Variants in RBFOX1 observed in about 807,000 individuals in gnomAD.
RBFOX1 encodes the protein RNA binding fox-1 homolog 1, also known as RNA binding protein fox-1 homolog 1.
In RBFOX1, 8 loss-of-function variants were observed where a neutral mutation model predicts 57.7. That is an observed-to-expected ratio of 0.14 (90% confidence interval 0.08 to 0.25). The LOEUF (loss-of-function observed/expected upper bound fraction) is 0.25. Ranked by LOEUF, RBFOX1 falls within the 10% of genes least tolerant of loss-of-function variation. The probability of loss-of-function intolerance (pLI) is 1.00; values close to 1 mark genes in which losing one functional copy is unlikely to be tolerated. For missense variants in RBFOX1, 611 were observed against 548.5 expected (o/e 1.11, Z -1.14); for synonymous variants, 326 against 222.4 (o/e 1.47, Z -4.15).
At chr16:6,962,036 A>G (rs1035877725) in intron 3 of RBFOX1, among the ~76,000 whole-genome samples, 1 of 152,122 alleles carries the variant, frequency 6.6e-6, no homozygotes, top group Non-Finnish European at 1.5e-5. Context: ...CCTATTCAAG[A>G]TGGAGTTGCT....
intron 1 of RBFOX1, among the ~76,000 whole-genome samples, chr16:6,227,456 C>G (rs560506382): frequency 1.1e-4 from 16 of 152,270 alleles, no homozygotes; most frequent in African/African-American, 3.8e-4. Context: ...ACAACAGTAG[C>G]AAACCTTGAT....
Position 6,238,090 on chromosome 16 carries a change from C to CAA in RBFOX1, c.-126-78885_-126-78884dup, listed in dbSNP as rs368995420. Among the ~76,000 whole-genome samples, 310 of 65,754 alleles carry CAA rather than the reference C, an allele frequency of 4.7e-3. 4 individuals are homozygous for CAA. The highest frequency in any genetic ancestry group is 0.014 in the African/African-American group (237 of 16,982). The allele number at this position is 65,754 out of a possible 152,430, so 43.1% of individuals were successfully genotyped here. On this transcript the variant is annotated intron_variant, in intron 1 of 15. Transcript: ENST00000550418. ...TGGGTGACAGAATGAGACTCTGTCT[C>CAA]AAAAAAAAAAAAAAAAAAAAAGAAA...
chr16:6,955,790 C>A (rs531368817), intron 3 of RBFOX1, among the ~76,000 whole-genome samples: 2 of 152,198 alleles, frequency 1.3e-5, no homozygotes, highest in East Asian at 3.9e-4. Context: ...ACTGCAACCT[C>A]CATTTCCCTG....
intron 3 of RBFOX1, among the ~76,000 whole-genome samples, chr16:7,016,503 A>C (rs968861208): frequency 2.6e-5 from 4 of 152,188 alleles, no homozygotes; most frequent in Admixed American, 2.6e-4. Context: ...TAACAGACAC[A>C]GCCACAGTGT....
At chr16:7,427,371 C>T (rs1314880344) in intron 4 of RBFOX1, among the ~76,000 whole-genome samples, 2 of 152,174 alleles carry the variant, frequency 1.3e-5, no homozygotes, top group African/African-American at 4.8e-5. Context: ...GCTGATGCTG[C>T]TGGTCTGAGA....
chr16:6,754,479 T>C (rs1181340957), intron 3 of RBFOX1, among the ~76,000 whole-genome samples: 1 of 152,182 alleles, frequency 6.6e-6, no homozygotes, highest in East Asian at 1.9e-4. Flanking sequence ...CAATTTCAGC[T>C]CCTCTTTTTC....
At chr16:5,359,682 C>T (rs1160910028) in intron 1 of RBFOX1, among the ~76,000 whole-genome samples, 2 of 152,114 alleles carry the variant, frequency 1.3e-5, no homozygotes, top group Non-Finnish European at 2.9e-5. Flanking sequence ...CCTATTGAGT[C>T]GTTTGAGCTT....
At chr16:6,265,890 C>T (rs574947665) in intron 1 of RBFOX1, among the ~76,000 whole-genome samples, 50 of 152,270 alleles carry the variant, frequency 3.3e-4, no homozygotes, top group Non-Finnish European at 5.3e-4. Context: ...AAAACCCTGT[C>T]TTCCTAGAAG....
intron 2 of RBFOX1, among the ~76,000 whole-genome samples, chr16:5,477,923 C>T (rs757920784): frequency 3.0e-4 from 46 of 152,170 alleles, no homozygotes; most frequent in Non-Finnish European, 5.4e-4. Context: ...ACTCAACTTG[C>T]TCAGCCCCAA....
chr16:5,867,442 C>A, intron 4 of RBFOX1: 1 of 808,868 alleles, frequency 1.2e-6, no homozygotes, highest in Non-Finnish European at 1.7e-6. Context: ...TGTTTCATTT[C>A]CTGGTGGCTT....
chr16:6,963,562 G>T (rs1202795423), intron 3 of RBFOX1, among the ~76,000 whole-genome samples: 1 of 152,166 alleles, frequency 6.6e-6, no homozygotes, highest in Non-Finnish European at 1.5e-5. Context: ...CATTTTGGCT[G>T]TGTTCTGTAG....
upstream of RBFOX1, among the ~76,000 whole-genome samples, chr16:6,016,306 AT>A (rs1327206166): frequency 6.6e-6 from 1 of 152,190 alleles, no homozygotes; most frequent in African/African-American, 2.4e-5. Context: ...AGAAAGTGAT[AT>A]TGAAATGGAG....
intron 4 of RBFOX1, among the ~76,000 whole-genome samples, chr16:7,224,138 A>G (rs893364456): frequency 3.9e-4 from 58 of 147,902 alleles, no homozygotes; most frequent in African/African-American, 1.3e-3. Context: ...AAAAAAAAAA[A>G]AAAAAAAAAA....
chr16:5,885,470 A>G (rs1597636453), intron 4 of RBFOX1, among the ~76,000 whole-genome samples: 1 of 152,260 alleles, frequency 6.6e-6, no homozygotes, highest in East Asian at 1.9e-4. Flanking sequence ...TAAAATGTGA[A>G]CTTTTGCAAC....
At chr16:5,331,107 C>G (rs889498830) in intron 1 of RBFOX1, among the ~76,000 whole-genome samples, 8 of 152,164 alleles carry the variant, frequency 5.3e-5, no homozygotes, top group South Asian at 4.2e-4. Context: ...GGAGGTAAAC[C>G]CACACATTAC....
intron 4 of RBFOX1, among the ~76,000 whole-genome samples, chr16:7,438,553 C>G (rs1433066570): frequency 6.6e-6 from 1 of 152,180 alleles, no homozygotes; most frequent in African/African-American, 2.4e-5. Flanking sequence ...TCCTCACAGA[C>G]TCCTCACTCA....
At chr16:5,866,107 A>G (rs897585295) in intron 3 of RBFOX1, among the ~76,000 whole-genome samples, 17 of 152,094 alleles carry the variant, frequency 1.1e-4, no homozygotes, top group Non-Finnish European at 2.9e-5. Context: ...AGCTGCGATT[A>G]CAGGTGCACA....
At chr16:6,919,654 T>G (rs183943776) in intron 3 of RBFOX1, among the ~76,000 whole-genome samples, 70 of 151,892 alleles carry the variant, frequency 4.6e-4, no homozygotes, top group Non-Finnish European at 7.5e-4. Context: ...GATGGAGAGA[T>G]AAAAATCCAG....
At chr16:6,526,294 A>C (rs1358990939) in intron 2 of RBFOX1, among the ~76,000 whole-genome samples, 2 of 152,206 alleles carry the variant, frequency 1.3e-5, no homozygotes, top group Non-Finnish European at 2.9e-5. Context: ...TGATTGGGAC[A>C]AGCGGAGCCA....
Sources: allele counts gnomAD v4.1 joint callset (sites outside exome capture counted in the v4.1 genomes callset), GRCh38; gene constraint gnomAD v4.1.1; transcripts MANE v1.5; gene names NCBI Gene and HGNC (gene_info 2026-07-23, HGNC 2026-07-21).